The following WWTR1 variants were observed in gnomAD, a reference collection of about 807,000 sequenced individuals.
WWTR1 encodes the protein WW domain containing transcription regulator 1, also known as WW domain-containing transcription regulator protein 1.
WWTR1 carries 13 observed loss-of-function variants against 40.1 expected under a neutral mutation model. That is an observed-to-expected ratio of 0.32 (90% CI 0.21 to 0.52). WWTR1 has a LOEUF of 0.52. Among genes scored for constraint, WWTR1 ranks in the 20% least tolerant of loss-of-function variants. The probability of loss-of-function intolerance (pLI) is 0.97; values close to 1 mark genes in which losing one functional copy is unlikely to be tolerated. For synonymous variants in WWTR1, 230 were observed against 210.1 expected (o/e 1.09, Z -0.82); for missense variants, 436 against 523.1 (o/e 0.83, Z 1.63).
At chr3:149,711,023 TGATTTAC>T (rs1715466328) in intron 5 of WWTR1, among the ~76,000 whole-genome samples, 1 of 152,042 alleles carries the variant, frequency 6.6e-6, no homozygotes. Context: ...TGTGCCAAAC[TGATTTAC>T]TCCCCAGTTT....
At chr3:149,644,533 C>T (rs552626803) in intron 2 of WWTR1, among the ~76,000 whole-genome samples, 9 of 152,162 alleles carry the variant, frequency 5.9e-5, no homozygotes, top group Non-Finnish European at 1.3e-4. Context: ...ATCATGGTTA[C>T]CCCGATAAGG....
Position 149,675,778 on chromosome 3 carries a change from A to T in WWTR1, c.-107-5887T>A, listed in dbSNP as rs376910801. Among the ~76,000 whole-genome samples, 11 of 151,878 alleles carry T rather than the reference A, an allele frequency of 7.2e-5. No individual in the cohort carries two copies. The East Asian group carries it at 1.9e-3, about 27-fold the overall frequency. On this transcript the variant is annotated intron_variant, in intron 1 of 7. Coordinates refer to the WWTR1 transcript ENST00000465804. Reference sequence around the variant, plus strand: ...GTTGCCCAGGCTGGAGTGCAGTGGCACGATCTCGGCTCACTGCAAGCTCTG... The same window carrying T: ...GTTGCCCAGGCTGGAGTGCAGTGGCTCGATCTCGGCTCACTGCAAGCTCTG...
chr3:149,708,076 C>G (rs1715375948), upstream of WWTR1, among the ~76,000 whole-genome samples: 5 of 152,140 alleles, frequency 3.3e-5, no homozygotes, highest in African/African-American at 1.2e-4. Context: ...CAGGCCTGTA[C>G]CCCAGCTCAT....
At position 149,541,125 on chromosome 3, in the gene WWTR1, A is replaced by C. The variant is rs139954418; in HGVS notation, c.771+1210T>G. On this transcript the variant is annotated intron_variant, in intron 4 of 6. Coordinates refer to ENST00000360632, the MANE Select transcript of WWTR1 (RefSeq NM_015472.6). ...GGAAGTTATTCATGTATCTTGCTTC[A>C]TGTGAGTCACAAAACAAAGTCTGAA... 170 of 436,174 alleles carry C rather than the reference A, an allele frequency of 3.9e-4. 2 individuals are homozygous for C. In the East Asian group the frequency reaches 0.012, roughly 30 times the overall value. The allele number at this position is 436,174 out of a possible 1,614,324, so 27.0% of individuals were successfully genotyped here.
At chr3:149,724,616 G>A (rs1267768885) in intron 3 of WWTR1, 1 of 151,980 alleles carries the variant, frequency 6.6e-6, no homozygotes, top group African/African-American at 2.4e-5. Context: ...GATTTCAGAA[G>A]GTTCATTGAC....
intron 4 of WWTR1, among the ~76,000 whole-genome samples, chr3:149,723,628 C>T (rs755608293): frequency 2.0e-5 from 3 of 152,160 alleles, no homozygotes; most frequent in Non-Finnish European, 4.4e-5. Context: ...GATTTTCCAA[C>T]TCCAATCACA....
At chr3:149,667,331 A>G (rs979321540) in intron 2 of WWTR1, among the ~76,000 whole-genome samples, 1 of 152,006 alleles carries the variant, frequency 6.6e-6, no homozygotes, top group African/African-American at 2.4e-5. Context: ...GTGGATCATG[A>G]GGTCAGGAGA....
chr3:149,605,200 A>C (rs889255541), intron 2 of WWTR1, among the ~76,000 whole-genome samples: 2 of 152,226 alleles, frequency 1.3e-5, no homozygotes, highest in Non-Finnish European at 2.9e-5. Context: ...ATGCCAAACG[A>C]GGAGCTTCAA....
intron 3 of WWTR1, among the ~76,000 whole-genome samples, chr3:149,561,474 A>C (rs1312723096): frequency 6.6e-6 from 1 of 152,214 alleles, no homozygotes; most frequent in Non-Finnish European, 1.5e-5. Context: ...TTTTGGAAAG[A>C]AATGGAACAA....
At chr3:149,603,261 T>C (rs1291936746) in intron 2 of WWTR1, among the ~76,000 whole-genome samples, 1 of 152,116 alleles carries the variant, frequency 6.6e-6, no homozygotes, top group Non-Finnish European at 1.5e-5. Flanking sequence ...AACCAGATTC[T>C]ATGAAATAAT....
intron 3 of WWTR1, among the ~76,000 whole-genome samples, chr3:149,569,821 G>A (rs1197978220): frequency 6.6e-6 from 1 of 152,070 alleles, no homozygotes; most frequent in Non-Finnish European, 1.5e-5. Flanking sequence ...AAGAGTGGGA[G>A]GAGAAGAATC....
At chr3:149,566,326 C>T (rs1241244221) in intron 3 of WWTR1, among the ~76,000 whole-genome samples, 1 of 151,982 alleles carries the variant, frequency 6.6e-6, no homozygotes, top group East Asian at 1.9e-4. Context: ...CACAACAATC[C>T]TACAACACCT....
At chr3:149,599,689 T>G (rs900483700) in intron 2 of WWTR1, among the ~76,000 whole-genome samples, 1 of 152,074 alleles carries the variant, frequency 6.6e-6, no homozygotes, top group African/African-American at 2.4e-5. Flanking sequence ...ACTAAAATCC[T>G]CAAGAGTATC....
At chr3:149,590,570 C>T (rs1016863256) in intron 2 of WWTR1, among the ~76,000 whole-genome samples, 2 of 152,004 alleles carry the variant, frequency 1.3e-5, no homozygotes, top group East Asian at 1.9e-4. Flanking sequence ...CGCTTGAACC[C>T]GGGAGGTGGA....
chr3:149,652,699 C>A (rs1712961386), intron 2 of WWTR1, among the ~76,000 whole-genome samples: 1 of 62,720 alleles, frequency 1.6e-5, no homozygotes, highest in Non-Finnish European at 3.5e-5. Context: ...ACCTAACAGA[C>A]AAATTTAAAA....
At chr3:149,621,900 T>C (rs1376676568) in intron 2 of WWTR1, among the ~76,000 whole-genome samples, 1 of 152,210 alleles carries the variant, frequency 6.6e-6, no homozygotes, top group Non-Finnish European at 1.5e-5. Context: ...ACCATAAGGA[T>C]GTCTGCTCTG....
intron 1 of WWTR1, among the ~76,000 whole-genome samples, chr3:149,683,023 G>T (rs1274266232): frequency 1.3e-5 from 2 of 152,152 alleles, no homozygotes; most frequent in Non-Finnish European, 2.9e-5. Flanking sequence ...GAATTCCCAG[G>T]TGCCCATCTG....
chr3:149,546,603 T>C (rs1360868820), intron 3 of WWTR1, among the ~76,000 whole-genome samples: 1 of 152,218 alleles, frequency 6.6e-6, no homozygotes, highest in African/African-American at 2.4e-5. Context: ...GGATGGGAGA[T>C]CTTCCTTTTC....
At chr3:149,662,348 A>C (rs1179766446), upstream of WWTR1, among the ~76,000 whole-genome samples, 1 of 152,188 alleles carries the variant, frequency 6.6e-6, no homozygotes, top group Non-Finnish European at 1.5e-5. Context: ...CAGCTTTTAT[A>C]AGATAATCAG....
Sources: gnomAD v4.1 joint callset for allele counts (sites outside exome capture counted in the v4.1 genomes callset) on GRCh38, gnomAD v4.1.1 for gene constraint, MANE v1.5 for transcripts, NCBI Gene and HGNC (gene_info 2026-07-23, HGNC 2026-07-21) for gene names.